The following VPS35L variants were observed in gnomAD, a reference collection of about 807,000 sequenced individuals.
VPS35L encodes VPS35 endosomal protein sorting factor like, also known as VPS35 endosomal protein-sorting factor-like.
VPS35L carries 83 observed loss-of-function variants against 133.0 expected under a neutral mutation model. The observed-to-expected ratio is 0.62, with a 90% CI of 0.52 to 0.75. The LOEUF is 0.75. Ranked by LOEUF, VPS35L falls within the 30% of genes least tolerant of loss-of-function variation. The pLI is 0.00. For missense variants in VPS35L, 1,083 were observed against 1,206.8 expected, an observed-to-expected ratio of 0.90 and a Z score of 1.52; for synonymous variants, 423 against 449.9, an observed-to-expected ratio of 0.94 and a Z score of 0.76.
At chr16:19,614,569 C>T (rs555256912) in intron 12 of VPS35L, among the ~76,000 whole-genome samples, 2 of 152,354 alleles carry the variant, frequency 1.3e-5, no homozygotes, top group African/African-American at 2.4e-5. Flanking sequence ...CGCCACCACA[C>T]CCGGCTAATT....
chr16:19,609,510 G>C (rs750580532), intron 11 of VPS35L, among the ~76,000 whole-genome samples: 2 of 152,192 alleles, frequency 1.3e-5, no homozygotes, highest in Non-Finnish European at 2.9e-5. Flanking sequence ...AGAAGCAGAA[G>C]CCTTTGCCCT....
In VPS35L at chr16:19,635,460, A is replaced by C. The variant is rs147565712; in HGVS notation, c.1636-2134A>C. Reference sequence around the variant, plus strand: ...GACGGAAGAACTTGTGAACTAACACAGACTAAAGAGACGTGAAAATGGAAT... The same window carrying C: ...GACGGAAGAACTTGTGAACTAACACCGACTAAAGAGACGTGAAAATGGAAT... On this transcript the variant is annotated intron_variant, in intron 19 of 30. Transcript: ENST00000417362. Among the ~76,000 whole-genome samples the C allele has an allele frequency of 2.3e-3, 347 of 152,344 alleles. 1 individual carries two copies. The highest frequency in any genetic ancestry group is 7.7e-3 in the African/African-American group (319 of 41,598).
chr16:19,574,759 G>A (rs887434417), intron 4 of VPS35L, among the ~76,000 whole-genome samples: 3 of 152,050 alleles, frequency 2.0e-5, no homozygotes, highest in African/African-American at 7.3e-5. Flanking sequence ...GCCAGAGATG[G>A]GGCTAAACAT....
At chr16:19,601,832 G>A in intron 9 of VPS35L, 109 bp downstream of exon 9, 1 of 1,140,106 alleles carries the variant, frequency 8.8e-7, no homozygotes, top group Non-Finnish European at 1.2e-6. Context: ...AATTTTGGGT[G>A]TGTTAAAGTA....
At chr16:19,605,325 T>C (rs1056095708) in intron 9 of VPS35L, among the ~76,000 whole-genome samples, 3 of 152,218 alleles carry the variant, frequency 2.0e-5, no homozygotes, top group Admixed American at 2.0e-4. Context: ...TATTGAAGTG[T>C]CTTCTGAATT....
chr16:19,615,073 G>A (rs1049994768), intron 12 of VPS35L, among the ~76,000 whole-genome samples: 1 of 152,172 alleles, frequency 6.6e-6, no homozygotes, highest in African/African-American at 2.4e-5. Flanking sequence ...TGTAACGGGG[G>A]CAGCACCACA....
chr16:19,694,116 A>C (rs992690923), intron 29 of VPS35L: 1 of 152,140 alleles, frequency 6.6e-6, no homozygotes, highest in African/African-American at 2.4e-5. Context: ...AGAAATGATA[A>C]ATGCTTAGGC....
At chr16:19,597,214 T>TA (rs570419895) in intron 8 of VPS35L, among the ~76,000 whole-genome samples, 95 of 150,952 alleles carry the variant, frequency 6.3e-4, no homozygotes, top group African/African-American at 2.1e-3. Context: ...ACAAAACATT[T>TA]AAAAAAAATA....
At chr16:19,626,857 C>T (rs1378849664) in intron 15 of VPS35L, among the ~76,000 whole-genome samples, 3 of 152,038 alleles carry the variant, frequency 2.0e-5, no homozygotes, top group African/African-American at 4.8e-5. Flanking sequence ...CTGACTCTCA[C>T]GAATATGAGG....
At chr16:19,570,117 C>G (rs1006297655) in intron 3 of VPS35L, among the ~76,000 whole-genome samples, 2 of 152,000 alleles carry the variant, frequency 1.3e-5, no homozygotes, top group African/African-American at 2.4e-5. Flanking sequence ...GTCACCCAAA[C>G]TGGAGTGCAG....
intron 7 of VPS35L, among the ~76,000 whole-genome samples, chr16:19,591,326 T>C (rs1034356578): frequency 6.6e-6 from 1 of 152,222 alleles, no homozygotes; most frequent in African/African-American, 2.4e-5. Flanking sequence ...TGTCATTCAC[T>C]TCTCTCAGTG....
rs182003456 is a variant in VPS35L, at chr16:19,563,975, C to T, written c.18-876C>T. On this transcript the variant is annotated intron_variant, in intron 1 of 30. Transcript: ENST00000417362. ...GCTGAGAATTCACAAATGCCCTCAG[C>T]GGGAAAGCTGGGCAAGGAGTGTTAG... 2.7e-4 allele frequency among the ~76,000 whole-genome samples: 41 copies of T among 152,296 alleles called. 1 individual carries two copies. The highest frequency in any genetic ancestry group is 2.0e-3 in the Admixed American group (31 of 15,296).
At chr16:19,616,644 T>C (rs757624759) in intron 13 of VPS35L, 42 bp from the exon 14 acceptor site, 1 of 1,599,312 alleles carries the variant, frequency 6.3e-7, no homozygotes, top group South Asian at 1.1e-5. Context: ...TGTTGTTTGG[T>C]TTTTCCCCTC....
In VPS35L at chr16:19,621,728, A is replaced by G. The variant is rs192868107; in HGVS notation, c.1225-4449A>G. On this transcript the variant is annotated intron_variant, in intron 14 of 30. Coordinates refer to ENST00000417362, the MANE Select transcript of VPS35L (RefSeq NM_020314.7). ...CTCCAGCAGACCTGCCCGAGGATCTATAACATTTGGCTCTCCGAACACTTA... is the reference window on the plus strand; with the variant it reads ...CTCCAGCAGACCTGCCCGAGGATCTGTAACATTTGGCTCTCCGAACACTTA... Among the ~76,000 whole-genome samples, 6 of 152,362 alleles carry G rather than the reference A, an allele frequency of 3.9e-5. No homozygotes were observed. The East Asian group carries it at 1.2e-3, about 29-fold the overall frequency.
chr16:19,603,666 C>G (rs192528034), intron 9 of VPS35L, among the ~76,000 whole-genome samples: 8 of 152,254 alleles, frequency 5.3e-5, no homozygotes, highest in African/African-American at 1.9e-4. Flanking sequence ...CAGGCAGAGG[C>G]CAGCCCAAGT....
intron 22 of VPS35L, among the ~76,000 whole-genome samples, chr16:19,643,192 A>G (rs1348787688): frequency 6.6e-6 from 1 of 152,246 alleles, no homozygotes; most frequent in East Asian, 1.9e-4. Context: ...GGTAGTTACA[A>G]AAATCAAAGT....
chr16:19,567,428 A>T (rs907442080), intron 2 of VPS35L, among the ~76,000 whole-genome samples: 4 of 152,186 alleles, frequency 2.6e-5, no homozygotes, highest in African/African-American at 9.6e-5. Flanking sequence ...GGGAACTGAG[A>T]ACAGAGTTCA....
intron 29 of VPS35L, among the ~76,000 whole-genome samples, chr16:19,696,416 C>G (rs988969843): frequency 6.6e-6 from 1 of 152,176 alleles, no homozygotes; most frequent in African/African-American, 2.4e-5. Flanking sequence ...ACCGTGCTTC[C>G]AAAGTCATCC....
chr16:19,592,307 T>C (rs1304396871), intron 8 of VPS35L, among the ~76,000 whole-genome samples: 1 of 150,758 alleles, frequency 6.6e-6, no homozygotes, highest in Non-Finnish European at 1.5e-5. Context: ...CTCAAACTCC[T>C]AGCCTCAAGT....
Sources: gnomAD v4.1 joint callset for allele counts (sites outside exome capture counted in the v4.1 genomes callset) on GRCh38, gnomAD v4.1.1 for gene constraint, MANE v1.5 for transcripts, NCBI Gene and HGNC (gene_info 2026-07-23, HGNC 2026-07-21) for gene names.